HS6ST3: variants seen among roughly 807,000 people sequenced by gnomAD.
The protein encoded by HS6ST3 is heparan-sulfate 6-O-sulfotransferase 3.
In HS6ST3, 12 loss-of-function variants were observed where a neutral mutation model predicts 36.7. The observed-to-expected ratio is 0.33, with a 90% CI of 0.21 to 0.53. The LOEUF (loss-of-function observed/expected upper bound fraction) is 0.53, where lower values mean the gene tolerates loss of function less well. Among genes scored for constraint, HS6ST3 ranks in the 20% least tolerant of loss-of-function variants. The probability of loss-of-function intolerance (pLI) is 0.95; values close to 1 mark genes in which losing one functional copy is unlikely to be tolerated. For missense variants in HS6ST3, 584 were observed against 640.9 expected (o/e 0.91, Z 0.96); for synonymous variants, 240 against 257.5 (o/e 0.93, Z 0.65).
chr13:96,167,741 T>C (rs917261508), intron 1 of HS6ST3, among the ~76,000 whole-genome samples: 2 of 152,234 alleles, frequency 1.3e-5, no homozygotes, highest in Admixed American at 1.3e-4. Context: ...AATTAAGATA[T>C]TATATGCAAG....
rs189506558 is a variant in HS6ST3 at position 96,724,540 on chromosome 13, C to G, written c.708-107950C>G. Among the ~76,000 whole-genome samples, 53 of 152,330 alleles carry G rather than the reference C, an allele frequency of 3.5e-4. No homozygotes were observed. In the East Asian group the frequency reaches 7.1e-3, roughly 20 times the overall value. ...TTCTGTTGGCTCCCCACTCCCATCCCTATCTAGCAAACACTCATCTGCTTT... is the reference window on the plus strand; with the variant it reads ...TTCTGTTGGCTCCCCACTCCCATCCGTATCTAGCAAACACTCATCTGCTTT... On this transcript the variant is annotated intron_variant, in intron 1 of 1. Transcript: ENST00000376705.
intron 1 of HS6ST3, among the ~76,000 whole-genome samples, chr13:96,774,658 G>C (rs1483983602): frequency 1.3e-5 from 2 of 152,038 alleles, no homozygotes; most frequent in African/African-American, 4.8e-5. Flanking sequence ...AATGAACAAA[G>C]CCTCCAAGAA....
intron 1 of HS6ST3, among the ~76,000 whole-genome samples, chr13:96,639,697 C>G (rs1307709340): frequency 6.6e-6 from 1 of 151,952 alleles, no homozygotes; most frequent in Non-Finnish European, 1.5e-5. Context: ...CCTTCCTCCC[C>G]TTCTACCCTC....
intron 1 of HS6ST3, among the ~76,000 whole-genome samples, chr13:96,577,948 T>G (rs758285605): frequency 1.2e-4 from 18 of 152,202 alleles, no homozygotes; most frequent in Non-Finnish European, 2.2e-4. Flanking sequence ...TTTAATTACA[T>G]TTTATTGACC....
chr13:96,611,281 G>T lies in HS6ST3; in HGVS notation c.708-221209G>T, dbSNP rs148457185. On this transcript the variant is annotated intron_variant, in intron 1 of 1. Transcript: ENST00000376705. ...ACCTATCAACATTTTTTAAATGAAG[G>T]CAATTAAAAATAGACATTTATTTGA... Among the ~76,000 whole-genome samples the T allele has an allele frequency of 2.6e-4, 40 of 151,356 alleles. No homozygotes were observed. The East Asian group carries it at 7.4e-3, about 28-fold the overall frequency.
chr13:96,270,906 C>G (rs1369702791), intron 1 of HS6ST3, among the ~76,000 whole-genome samples: 1 of 151,916 alleles, frequency 6.6e-6, no homozygotes, highest in Non-Finnish European at 1.5e-5. Flanking sequence ...ATGTTCTTCT[C>G]CACCCCTTCA....
At chr13:96,353,046 CTTTTTTTTTT>C (rs1026366277) in intron 1 of HS6ST3, among the ~76,000 whole-genome samples, 3 of 85,426 alleles carry the variant, frequency 3.5e-5, no homozygotes, top group East Asian at 3.6e-4. Context: ...CTAGCGTATT[CTTTTTTTTTT>C]TTTTTTTTTT....
At chr13:96,811,609 G>A (rs890240720) in intron 1 of HS6ST3, among the ~76,000 whole-genome samples, 4 of 152,010 alleles carry the variant, frequency 2.6e-5, no homozygotes, top group African/African-American at 4.8e-5. Context: ...TAGTATTTAA[G>A]TTATCTGTTG....
At position 96,523,587 on chromosome 13, in the gene HS6ST3, A is replaced by G. The variant is rs117400373; in HGVS notation, c.708-308903A>G. On this transcript the variant is annotated intron_variant, in intron 1 of 1. Transcript: ENST00000376705. ...TTCCTTTCACTCTTTTTTTTCTCTA[A>G]TATTGTCTTCTTTCTTTATTTCATT... Among the ~76,000 whole-genome samples, 623 of 151,172 alleles carry G rather than the reference A, an allele frequency of 4.1e-3. 7 individuals are homozygous for G. Among genetic ancestry groups the G allele is most frequent in the East Asian group, 0.021 (107 of 5,134 alleles).
chr13:96,153,453 CT>C (rs1253322124), intron 1 of HS6ST3, among the ~76,000 whole-genome samples: 1 of 152,164 alleles, frequency 6.6e-6, no homozygotes, highest in East Asian at 1.9e-4. Flanking sequence ...CAGGGTGTCT[CT>C]TCCCCCTCTG....
chr13:96,130,976 C>A (rs1276536095), intron 1 of HS6ST3, among the ~76,000 whole-genome samples: 2 of 152,158 alleles, frequency 1.3e-5, no homozygotes, highest in Non-Finnish European at 2.9e-5. Context: ...GCTCAGCTAC[C>A]TGCATTCTTA....
At chr13:96,139,772 A>T (rs1024157530) in intron 1 of HS6ST3, among the ~76,000 whole-genome samples, 3 of 152,032 alleles carry the variant, frequency 2.0e-5, no homozygotes, top group Non-Finnish European at 4.4e-5. Context: ...GTAATTGCCT[A>T]CCTTGTGTTA....
At chr13:96,743,557 T>C (rs1355067688) in intron 1 of HS6ST3, among the ~76,000 whole-genome samples, 1 of 152,094 alleles carries the variant, frequency 6.6e-6, no homozygotes, top group African/African-American at 2.4e-5. Flanking sequence ...TGTTACTTAG[T>C]GAATAACTGG....
intron 1 of HS6ST3, among the ~76,000 whole-genome samples, chr13:96,802,599 C>T (rs560978617): frequency 6.6e-6 from 1 of 152,184 alleles, no homozygotes; most frequent in Non-Finnish European, 1.5e-5. Flanking sequence ...TCCAATTCTT[C>T]AAGATGTACT....
intron 1 of HS6ST3, among the ~76,000 whole-genome samples, chr13:96,216,595 A>C (rs1180635245): frequency 1.3e-5 from 2 of 152,174 alleles, no homozygotes; most frequent in East Asian, 3.9e-4. Flanking sequence ...GTGTCATCAT[A>C]TATACTTCAG....
chr13:96,712,432 A>C (rs1875583402), intron 1 of HS6ST3, among the ~76,000 whole-genome samples: 1 of 152,198 alleles, frequency 6.6e-6, no homozygotes, highest in Non-Finnish European at 1.5e-5. Context: ...AATTTGTTAG[A>C]TTGGAATTTT....
intron 1 of HS6ST3, among the ~76,000 whole-genome samples, chr13:96,539,548 G>A (rs1351992587): frequency 2.0e-5 from 3 of 151,920 alleles, no homozygotes; most frequent in South Asian, 4.1e-4. Context: ...GTAGAGACAG[G>A]GTTTCATTGT....
At chr13:96,418,552 G>A (rs1160741520) in intron 1 of HS6ST3, among the ~76,000 whole-genome samples, 1 of 152,130 alleles carries the variant, frequency 6.6e-6, no homozygotes, top group East Asian at 1.9e-4. Context: ...TCCTTAAGTG[G>A]TAGCTCAGCA....
At chr13:96,517,269 A>G (rs937565261) in intron 1 of HS6ST3, among the ~76,000 whole-genome samples, 22 of 151,046 alleles carry the variant, frequency 1.5e-4, no homozygotes, top group African/African-American at 5.1e-4. Flanking sequence ...CCCAGCTACT[A>G]CTCAGGAGGC....
Sources: allele counts gnomAD v4.1 joint callset (sites outside exome capture counted in the v4.1 genomes callset), GRCh38; gene constraint gnomAD v4.1.1; transcripts MANE v1.5; gene names NCBI Gene and HGNC (gene_info 2026-07-23, HGNC 2026-07-21).